Variants in PLD2 observed in about 807,000 individuals in gnomAD.
PLD2 encodes choline phosphatase 2.
In PLD2, 101 loss-of-function variants were observed where a neutral mutation model predicts 119.8. That is an observed-to-expected ratio of 0.84 (90% confidence interval 0.72 to 0.99). The LOEUF is 0.99. Ranked by LOEUF, PLD2 falls within the 50% of genes least tolerant of loss-of-function variation. The pLI is 0.00. For missense variants in PLD2, 1,164 were observed against 1,226.8 expected, an observed-to-expected ratio of 0.95 and a Z score of 0.76; for synonymous variants, 494 against 482.8, an observed-to-expected ratio of 1.02 and a Z score of -0.30.
chr17:4,816,617 C>T lies in PLD2; in HGVS notation c.1456-3C>T. ...CCCTGGCTTGGGTGTGTTCCCCCTA[C>T]AGCCTCCCACCCCGCGCCCAGACTC... On this transcript the variant is annotated splice_polypyrimidine_tract_variant and splice_region_variant and intron_variant, in intron 14 of 24. Coordinates refer to ENST00000263088, the MANE Select transcript of PLD2 (RefSeq NM_002663.5). 1 of 1,613,738 alleles carries T rather than the reference C, an allele frequency of 6.2e-7. No homozygotes were observed. Among genetic ancestry groups the T allele is most frequent in the Non-Finnish European group, 8.5e-7 (1 of 1,179,696 alleles).
chr17:4,808,509 G>T lies in PLD2; in HGVS notation c.383+93G>T. ...CCCGGGGCCACAACCTTTCCTCCCT[G>T]CAACTCTGGCCACTGTGCTGCCTCC... On this transcript the variant is annotated intron_variant, in intron 4 of 24. Coordinates refer to ENST00000263088, the MANE Select transcript of PLD2 (RefSeq NM_002663.5). This position sits in a 1 kb window ranked among gnomAD's most constrained non-coding sequence, Gnocchi z 4.1. The T allele has an allele frequency of 7.9e-7, 1 of 1,268,898 alleles. No individual in the cohort carries two copies. Among genetic ancestry groups the T allele is most frequent in the Non-Finnish European group, 1.1e-6 (1 of 894,958 alleles). 78.6% of individuals were successfully genotyped at this position (1,268,898 alleles called of 1,614,324 possible).
In PLD2 at chr17:4,814,727, A is replaced by T. The variant is rs1370110319; in HGVS notation, c.1173+16A>T. 1 of 1,612,034 alleles carries T rather than the reference A, an allele frequency of 6.2e-7. No individual in the cohort carries two copies. Among genetic ancestry groups the T allele is most frequent in the African/African-American group, 1.3e-5 (1 of 74,968 alleles). On this transcript the variant is annotated intron_variant, in intron 12 of 24. Transcript: ENST00000263088. ...GAGGAAGGCGGTGAGGAGAGTGGTC[A>T]GGCCGCAGGGGGAGGGGGTTGCCTG...
At chr17:4,812,165 A>G (rs955010052) in intron 10 of PLD2, among the ~76,000 whole-genome samples, 1 of 149,194 alleles carries the variant, frequency 6.7e-6, no homozygotes, top group Admixed American at 6.7e-5. Flanking sequence ...TGCCCAGGCT[A>G]GCGTGCAGTG....
Position 4,822,828 on chromosome 17 carries a change from C to T in PLD2, c.2766C>T (p.Ser922=). The change falls in exon 25 of 25, where the codon AGC becomes AGT. Residue 922 remains serine (S), a synonymous_variant. Transcript: ENST00000263088. ...AGTCTTTGCTGCCCCCGCTGGGTAG[C>T]AAGGAGGGCATGATCCCCCTAGAAG... is the stretch of plus-strand genomic sequence containing the variant. ...EDESLLPPLG[S]KEGMIPLEVW... 1 of 1,612,094 alleles carries T rather than the reference C, an allele frequency of 6.2e-7. No homozygotes were observed. The highest frequency in any genetic ancestry group is 8.5e-7 in the Non-Finnish European group (1 of 1,178,244).
chr17:4,817,061 C>A lies in PLD2; in HGVS notation c.1701+6C>A. 1 of 1,612,472 alleles carries A rather than the reference C, an allele frequency of 6.2e-7. No homozygotes were observed. The highest frequency in any genetic ancestry group is 8.5e-7 in the Non-Finnish European group (1 of 1,178,534). The stretch of plus-strand genomic sequence containing the variant: ...AGCGCTGGAACTTCACCAAGGTGTT[C>A]ATTCCCTCCGATAGGGGCTGGAGGT... On this transcript the variant is annotated splice_donor_region_variant and intron_variant, in intron 16 of 24. Coordinates refer to ENST00000263088, the MANE Select transcript of PLD2 (RefSeq NM_002663.5).
Position 4,819,413 on chromosome 17 carries a change from C to G in PLD2, c.2309-16C>G. 1 of 1,611,872 alleles carries G rather than the reference C, an allele frequency of 6.2e-7. No homozygotes were observed. Among genetic ancestry groups the G allele is most frequent in the Non-Finnish European group, 8.5e-7 (1 of 1,179,024 alleles). Reference sequence around the variant, plus strand: ...CCCTGGGCCCAAGCACACAGTGTGCCCCGCATCCACCCCAGGTTCTGCAAA... The same window carrying G: ...CCCTGGGCCCAAGCACACAGTGTGCGCCGCATCCACCCCAGGTTCTGCAAA... On this transcript the variant is annotated splice_polypyrimidine_tract_variant and intron_variant, in intron 22 of 24. Coordinates refer to ENST00000263088, the MANE Select transcript of PLD2 (RefSeq NM_002663.5). This position sits in a 1 kb window ranked among gnomAD's most constrained non-coding sequence, Gnocchi z 4.2.
chr17:4,807,776 A>G lies in PLD2; in HGVS notation c.4A>G (p.Thr2Ala). The G allele has an allele frequency of 6.3e-7, 1 of 1,584,890 alleles. No homozygotes were observed. The change falls in exon 2 of 25, where the codon ACG (threonine) becomes GCG (alanine). Residue 2 changes from threonine (T) to alanine (A), a missense_variant. By Grantham distance (58) the Thr-to-Ala change is moderately conservative (BLOSUM62 0). Coordinates refer to ENST00000263088, the MANE Select transcript of PLD2 (RefSeq NM_002663.5). This position sits in a 1 kb window ranked among gnomAD's most constrained non-coding sequence, Gnocchi z 5.4. ...GAGGCTTCCCAATGTTCCTAGGATG[A>G]CGGCGACCCCTGAGAGCCTCTTCCC... M[T>A]ATPESLFPTG... is the part of the protein sequence containing the mutation.
In PLD2 at chr17:4,807,666, T is replaced by G; in HGVS notation, c.-1-106T>G. The G allele has an allele frequency of 1.5e-6, 1 of 673,956 alleles. No homozygotes were observed. The highest frequency in any genetic ancestry group is 2.6e-5 in the East Asian group (1 of 37,964). The allele number at this position is 673,956 out of a possible 1,614,324, so 41.7% of individuals were successfully genotyped here. On this transcript the variant is annotated intron_variant, in intron 1 of 24. Coordinates refer to ENST00000263088, the MANE Select transcript of PLD2 (RefSeq NM_002663.5). This position sits in a 1 kb window ranked among gnomAD's most constrained non-coding sequence, Gnocchi z 5.4. The stretch of plus-strand genomic sequence containing the variant: ...TCATCCGCGGGCGGTCAGGAGGCCG[T>G]GGGGGAAGAGGAGGATCTGGAAGAG...
In PLD2 at chr17:4,810,854, G is replaced by C; in HGVS notation, c.913G>C (p.Glu305Gln). 6.2e-7 allele frequency: 1 copy of C among 1,613,892 alleles called. No individual in the cohort carries two copies. Among genetic ancestry groups the C allele is most frequent in the Non-Finnish European group, 8.5e-7 (1 of 1,179,930 alleles). ...CCGGCAGGCACGGTGGTGGGCCCAA[G>C]AGATCACTGAGCTGGCACAGGGCCC... ...SYRQARWWAQ[E>Q]ITELAQGPGR... is the part of the protein sequence containing the mutation. The change falls in exon 10 of 25, where the codon GAG becomes CAG. Residue 305 changes from glutamate (E) to glutamine (Q), a missense_variant. Physicochemically the swap from Glu to Gln is conservative, Grantham distance 29. Coordinates refer to ENST00000263088, the MANE Select transcript of PLD2 (RefSeq NM_002663.5).
chr17:4,817,077 G>A (rs200469160), intron 16 of PLD2, 22 bp downstream of exon 16: 39 of 1,608,788 alleles, frequency 2.4e-5, no homozygotes, highest in Admixed American at 1.8e-4. Context: ...CTCCGATAGG[G>A]GCTGGAGGTA....
Position 4,819,011 on chromosome 17 carries a change from A to T in PLD2, c.2174-73A>T. ...GACTCTATGTAGGAAGAGTTTCTGG[A>T]GTGAGAGGAGGTGGGACAGGGCCCT... is the stretch of plus-strand genomic sequence containing the variant. On this transcript the variant is annotated intron_variant, in intron 21 of 24. Coordinates refer to ENST00000263088, the MANE Select transcript of PLD2 (RefSeq NM_002663.5). This position sits in a 1 kb window ranked among gnomAD's most constrained non-coding sequence, Gnocchi z 4.2. 1 of 1,588,534 alleles carries T rather than the reference A, an allele frequency of 6.3e-7. No individual in the cohort carries two copies. Among genetic ancestry groups the T allele is most frequent in the Non-Finnish European group, 8.6e-7 (1 of 1,163,688 alleles).
chr17:4,822,538 G>T lies in PLD2; in HGVS notation c.2578-102G>T, dbSNP rs1267637077. 17 of 718,136 alleles carry T rather than the reference G, an allele frequency of 2.4e-5. No individual in the cohort carries two copies. The African/African-American group carries it at 2.7e-4, about 11-fold the overall frequency. 44.5% of individuals were successfully genotyped at this position (718,136 alleles called of 1,614,324 possible). On this transcript the variant is annotated intron_variant, in intron 24 of 24. Coordinates refer to ENST00000263088, the MANE Select transcript of PLD2 (RefSeq NM_002663.5). ...AGTTAGTGGCCCAGGGTCAACGGGG[G>T]GTATGGAGAGATGGTATGGGGGAAG...
In PLD2 at chr17:4,808,052, G is replaced by A. The variant is rs369078162; in HGVS notation, c.178G>A (p.Ala60Thr). ...QSLKVHPLVF[A>T]PGVPVTAQVV... ...TCTGAAAGTGCACCCCTTGGTGTTC[G>A]CACCTGGGGTCCCTGTCACAGCCCA... Residue 60 changes from alanine (A) to threonine (T), a missense_variant, in exon 3 of 25, where the codon GCA becomes ACA. By Grantham distance (58) the Ala-to-Thr change is moderately conservative (BLOSUM62 0). Transcript: ENST00000263088. This position sits in a 1 kb window ranked among gnomAD's most constrained non-coding sequence, Gnocchi z 4.1. The A allele has an allele frequency of 3.7e-6, 6 of 1,612,078 alleles. No homozygotes were observed. The highest frequency in any genetic ancestry group is 5.1e-6 in the Non-Finnish European group (6 of 1,178,458).
Position 4,815,502 on chromosome 17 carries a change from G to A in PLD2, c.1200G>A (p.Leu400=). The A allele has an allele frequency of 6.2e-7, 1 of 1,612,648 alleles. No homozygotes were observed. The highest frequency in any genetic ancestry group is 8.5e-7 in the Non-Finnish European group (1 of 1,178,764). Reference sequence around the variant, plus strand: ...AGGAGGGTGTCCGTGTGTCTATTCTGCTGTTTAAAGAAGTGGAATTGGCCT... The same window carrying A: ...AGGAGGGTGTCCGTGTGTCTATTCTACTGTTTAAAGAAGTGGAATTGGCCT... ...KAEEGVRVSI[L]LFKEVELALG... The change falls in exon 13 of 25, where the codon CTG becomes CTA. Residue 400 remains leucine (L), a synonymous_variant. Coordinates refer to ENST00000263088, the MANE Select transcript of PLD2 (RefSeq NM_002663.5).
At position 4,822,703 on chromosome 17, in the gene PLD2, G is replaced by A. The variant is rs764977005; in HGVS notation, c.2641G>A (p.Val881Met). The change falls in exon 25 of 25, where the codon GTG (valine) becomes ATG (methionine). Residue 881 changes from valine (V) to methionine (M), a missense_variant. By Grantham distance (21) the Val-to-Met change is conservative. Transcript: ENST00000263088. ...SLRTLREYVA[V>M]EPLATVSPPL... The stretch of plus-strand genomic sequence containing the variant: ...GCGGACTCTCCGGGAGTACGTGGCC[G>A]TGGAGCCCTTGGCCACGGTCAGTCC... The A allele has an allele frequency of 1.2e-5, 19 of 1,614,096 alleles. No individual in the cohort carries two copies. The highest frequency in any genetic ancestry group is 5.5e-5 in the South Asian group (5 of 91,088).
chr17:4,814,124 C>G, intron 10 of PLD2: 1 of 291,982 alleles, frequency 3.4e-6, no homozygotes. Flanking sequence ...GCTCATTTTT[C>G]AGTTGGCTCA....
At position 4,818,833 on chromosome 17, in the gene PLD2, G is replaced by A. The variant is rs1372524114; in HGVS notation, c.2173+10G>A. The stretch of plus-strand genomic sequence containing the variant: ...CGCCTTAAAGCAGCCAGTGAGTGCT[G>A]GGGGCTGGGGGCTCAAGCCCTGGGC... On this transcript the variant is annotated intron_variant, in intron 21 of 24. Coordinates refer to ENST00000263088, the MANE Select transcript of PLD2 (RefSeq NM_002663.5). 1.2e-6 allele frequency: 2 copies of A among 1,613,378 alleles called. No individual in the cohort carries two copies. Among genetic ancestry groups the A allele is most frequent in the East Asian group, 4.5e-5 (2 of 44,878 alleles).
chr17:4,812,959 G>A (rs1342310151), intron 10 of PLD2, among the ~76,000 whole-genome samples: 1 of 152,136 alleles, frequency 6.6e-6, no homozygotes, highest in Non-Finnish European at 1.5e-5. Context: ...AATATCACAG[G>A]CACACAGGGC....
Position 4,817,271 on chromosome 17 carries a change from C to G in PLD2, c.1815+12C>G, listed in dbSNP as rs374293788. 6.5e-7 allele frequency: 1 copy of G among 1,529,984 alleles called. No individual in the cohort carries two copies. Among genetic ancestry groups the G allele is most frequent in the East Asian group, 2.2e-5 (1 of 44,538 alleles). 94.8% of individuals were successfully genotyped at this position (1,529,984 alleles called of 1,614,324 possible). A position where few individuals can be genotyped will look rare whatever the true frequency, so the allele number is the denominator to read the frequency against. ...GCACCACCGTACAGGTGAGGCCCCC[C>G]ACTTCAGCCAGCCCTCCCCTTTGTC... On this transcript the variant is annotated intron_variant, in intron 17 of 24. Coordinates refer to ENST00000263088, the MANE Select transcript of PLD2 (RefSeq NM_002663.5).
Sources: allele counts gnomAD v4.1 joint callset (sites outside exome capture counted in the v4.1 genomes callset), GRCh38; gene constraint gnomAD v4.1.1; non-coding constraint Gnocchi (gnomAD v3.1); transcripts MANE v1.5; gene names NCBI Gene and HGNC (gene_info 2026-07-23, HGNC 2026-07-21).